MMP8: variants seen among roughly 807,000 people sequenced by gnomAD.
MMP8 encodes neutrophil collagenase.
MMP8 carries 67 observed loss-of-function variants against 51.2 expected under a neutral mutation model. The ratio of observed to expected loss-of-function variants is 1.31; its 90% CI spans 1.08 to 1.60. The LOEUF (loss-of-function observed/expected upper bound fraction) is 1.60. MMP8 is among the 40% of genes most tolerant of loss of function. The pLI is 0.00. For synonymous variants in MMP8, 225 were observed against 191.0 expected, an observed-to-expected ratio of 1.18 and a Z score of -1.47; for missense variants, 654 against 558.1, an observed-to-expected ratio of 1.17 and a Z score of -1.73.
At chr11:102,722,011 G>A (rs930281961) in intron 2 of MMP8, among the ~76,000 whole-genome samples, 25 of 152,144 alleles carry the variant, frequency 1.6e-4, no homozygotes, top group South Asian at 6.2e-4. Context: ...TAGGGCTGCC[G>A]TGGGGATTAA....
intron 4 of MMP8, among the ~76,000 whole-genome samples, chr11:102,719,068 G>A (rs35631044): frequency 6.6e-6 from 1 of 152,180 alleles, no homozygotes; most frequent in Admixed American, 6.5e-5. Flanking sequence ...CCACAGCTTA[G>A]CACCAGCTCT....
At chr11:102,723,146 C>CATG in intron 1 of MMP8, 1 of 798,744 alleles carries the variant, frequency 1.3e-6, no homozygotes, top group Non-Finnish European at 1.8e-6. Flanking sequence ...TTTAACTCAC[C>CATG]ATGTTGCCTC....
chr11:102,721,293 A>G, intron 4 of MMP8, 108 bp downstream of exon 4: 2 of 1,449,850 alleles, frequency 1.4e-6, no homozygotes, highest in Non-Finnish European at 1.8e-6. Flanking sequence ...ACTTTTTGTG[A>G]GTTTGAAATA....
Position 102,712,738 on chromosome 11 carries a change from C to T in MMP8, c.*610G>A, listed in dbSNP as rs181356833. The T allele has an allele frequency of 3.3e-5, 5 of 152,212 alleles. No individual in the cohort carries two copies. Among genetic ancestry groups the T allele is most frequent in the Admixed American group, 6.5e-5 (1 of 15,276 alleles). 9.4% of individuals were successfully genotyped at this position (152,212 alleles called of 1,614,324 possible). ...CCCACCCTAATTCAGTGTGATCTCA[C>T]CTTAACTTAACTAATTACATCTGCA... On this transcript the variant is annotated 3_prime_UTR_variant, in exon 10 of 10. Transcript: ENST00000236826.
At chr11:102,722,995 A>G in intron 1 of MMP8, 1 of 1,307,266 alleles carries the variant, frequency 7.6e-7, no homozygotes, top group Non-Finnish European at 1.0e-6. Flanking sequence ...ACTAACATTA[A>G]TTGACTTCTC....
intron 4 of MMP8, among the ~76,000 whole-genome samples, chr11:102,719,641 C>T (rs1197983317): frequency 2.6e-5 from 4 of 152,186 alleles, no homozygotes; most frequent in Non-Finnish European, 5.9e-5. Context: ...AATTAGCCTG[C>T]TAAAATTCTA....
chr11:102,720,547 C>G (rs1330042975), intron 4 of MMP8, among the ~76,000 whole-genome samples: 1 of 152,260 alleles, frequency 6.6e-6, no homozygotes, highest in Admixed American at 6.5e-5. Context: ...GTAAAAGGTG[C>G]CTTTCTGATT....
chr11:102,724,754 C>T lies in MMP8; in HGVS notation c.102G>A (p.Gln34=), dbSNP rs758034380. The T allele has an allele frequency of 1.9e-6, 3 of 1,588,018 alleles. No homozygotes were observed. The Admixed American group carries it at 5.1e-5, about 27-fold the overall frequency. ...SSKEKNTKTV[Q]DYLEKFYQLP... ...ATCACCTAACTGATAGTTCATTTAC[C>T]TGAACAGTTTTTGTATTTTTCTCTT... Residue 34 remains glutamine, a splice_region_variant and synonymous_variant, in exon 1 of 10, where the codon CAG becomes CAA. Transcript: ENST00000236826.
Position 102,718,590 on chromosome 11 carries a change from C to T in MMP8, c.623-15G>A, listed in dbSNP as rs764617983. 6 of 1,613,534 alleles carry T rather than the reference C, an allele frequency of 3.7e-6. No individual in the cohort carries two copies. The highest frequency in any genetic ancestry group is 2.2e-5 in the East Asian group (1 of 44,886). On this transcript the variant is annotated splice_polypyrimidine_tract_variant and intron_variant, in intron 4 of 9. Coordinates refer to ENST00000236826, the MANE Select transcript of MMP8 (RefSeq NM_002424.3). Reference sequence around the variant, plus strand: ...CAAGTTGTAATCTGAAATGCAAACACGGGTGGTAAACAGCTCAGTGTGGAT... The same window carrying T: ...CAAGTTGTAATCTGAAATGCAAACATGGGTGGTAAACAGCTCAGTGTGGAT...
chr11:102,716,433 A>AAG lies in MMP8; in HGVS notation c.785-15_785-14insCT, dbSNP rs1463497440. Reference sequence around the variant, plus strand: ...TGCTTGAAAGTCCTGGAAAAAAAAAAAAAAAAAAAAAAAAGGTCTTTCTTA... The same window carrying AAG: ...TGCTTGAAAGTCCTGGAAAAAAAAAAAGAAAAAAAAAAAAAAGGTCTTTCTTA... On this transcript the variant is annotated splice_polypyrimidine_tract_variant and intron_variant, in intron 5 of 9. Coordinates refer to ENST00000236826, the MANE Select transcript of MMP8 (RefSeq NM_002424.3). 7.0e-7 allele frequency: 1 copy of AAG among 1,431,392 alleles called. No individual in the cohort carries two copies. Among genetic ancestry groups the AAG allele is most frequent in the East Asian group, 2.4e-5 (1 of 41,084 alleles). The allele number at this position is 1,431,392 out of a possible 1,614,324, so 88.7% of individuals were successfully genotyped here. A position where few individuals can be genotyped will look rare whatever the true frequency, so the allele number is the denominator to read the frequency against.
chr11:102,720,740 A>G (rs1861444480), intron 4 of MMP8, among the ~76,000 whole-genome samples: 1 of 152,232 alleles, frequency 6.6e-6, no homozygotes, highest in South Asian at 2.1e-4. Context: ...AAGAGCTCCA[A>G]GGAGATGAAC....
At chr11:102,717,167 C>G (rs778023587) in intron 5 of MMP8, among the ~76,000 whole-genome samples, 5 of 152,138 alleles carry the variant, frequency 3.3e-5, no homozygotes, top group Non-Finnish European at 5.9e-5. Flanking sequence ...ATATTTCACT[C>G]CAATCCACTA....
chr11:102,713,105 T>A lies in MMP8; in HGVS notation c.*243A>T, dbSNP rs1305072754. 1 of 378,976 alleles carries A rather than the reference T, an allele frequency of 2.6e-6. No individual in the cohort carries two copies. Among genetic ancestry groups the A allele is most frequent in the African/African-American group, 2.1e-5 (1 of 47,652 alleles). The allele number at this position is 378,976 out of a possible 1,614,324, so 23.5% of individuals were successfully genotyped here. A position where few individuals can be genotyped will look rare whatever the true frequency, so the allele number is the denominator to read the frequency against. ...GTAAATATTGAGGTGACAAAAAGGCTTACTTTCCTTCTCTTTGATGGAATC... is the reference window on the plus strand; with the variant it reads ...GTAAATATTGAGGTGACAAAAAGGCATACTTTCCTTCTCTTTGATGGAATC... On this transcript the variant is annotated 3_prime_UTR_variant, in exon 10 of 10. Coordinates refer to ENST00000236826, the MANE Select transcript of MMP8 (RefSeq NM_002424.3).
Position 102,724,928 on chromosome 11 carries a change from A to T in MMP8, c.-73T>A, listed in dbSNP as rs1861577281. 1 of 1,523,036 alleles carries T rather than the reference A, an allele frequency of 6.6e-7. No individual in the cohort carries two copies. The highest frequency in any genetic ancestry group is 2.3e-5 in the East Asian group (1 of 43,104). The allele number at this position is 1,523,036 out of a possible 1,614,324, so 94.3% of individuals were successfully genotyped here. ...TGGGTAGGGCCCTTCCCTGGCGAGC[A>T]CCCTGACGTTCACAGCATCATGTGT... is the stretch of plus-strand genomic sequence containing the variant. On this transcript the variant is annotated 5_prime_UTR_variant, in exon 1 of 10. Coordinates refer to ENST00000236826, the MANE Select transcript of MMP8 (RefSeq NM_002424.3).
Position 102,724,821 on chromosome 11 carries a change from A to T in MMP8, c.35T>A (p.Leu12Ter). The T allele has an allele frequency of 6.2e-7, 1 of 1,610,068 alleles. No individual in the cohort carries two copies. Reference protein sequence around the residue: ...FSLKTLPFLLLLHVQISKAFP... With the variant: ...FSLKTLPFLL ...GGCCTTGGAAATCTGCACATGGAGT[A>T]AGAGCAGAAATGGAAGCGTCTTCAG... The change falls in exon 1 of 10, where the codon TTA becomes TAA. Residue 12 changes from leucine (L) to a stop codon, truncating the protein, a stop_gained. Coordinates refer to ENST00000236826, the MANE Select transcript of MMP8 (RefSeq NM_002424.3). LOFTEE classifies it high-confidence loss of function.
At chr11:102,719,129 A>G (rs1228469087) in intron 4 of MMP8, among the ~76,000 whole-genome samples, 1 of 152,178 alleles carries the variant, frequency 6.6e-6, no homozygotes, top group Non-Finnish European at 1.5e-5. Flanking sequence ...TACTGGAGAG[A>G]GACAAATCCT....
intron 1 of MMP8, 149 bp downstream of exon 1, chr11:102,724,604 AC>A: frequency 1.6e-6 from 1 of 632,874 alleles, no homozygotes; most frequent in Non-Finnish European, 2.6e-6. Flanking sequence ...CCAGCTTGGA[AC>A]CCTCCAAATC....
chr11:102,721,501 A>C lies in MMP8; in HGVS notation c.522T>G (p.Asp174Glu), dbSNP rs146764003. 4 of 1,613,900 alleles carry C rather than the reference A, an allele frequency of 2.5e-6. No individual in the cohort carries two copies. Among genetic ancestry groups the C allele is most frequent in the Non-Finnish European group, 1.7e-6 (2 of 1,179,846 alleles). Reference protein sequence around the residue: ...QRDHGDNSPFDGPNGILAHAF... With the variant: ...QRDHGDNSPFEGPNGILAHAF... ...CATGAGCAAGGATTCCATTGGGTCC[A>C]TCAAATGGAGAATTGTCACCGTGAT... The change falls in exon 4 of 10, where the codon GAT becomes GAG. Residue 174 changes from aspartate to glutamate, a missense_variant. Physicochemically the swap from Asp to Glu is conservative, Grantham distance 45. Transcript: ENST00000236826.
chr11:102,722,913 G>T, intron 1 of MMP8: 1 of 1,084,160 alleles, frequency 9.2e-7, no homozygotes, highest in Non-Finnish European at 1.3e-6. Context: ...AAGGGATGAG[G>T]ATCACATCAC....
Sources: allele counts gnomAD v4.1 joint callset (sites outside exome capture counted in the v4.1 genomes callset), GRCh38; gene constraint gnomAD v4.1.1; transcripts MANE v1.5; gene names NCBI Gene and HGNC (gene_info 2026-07-23, HGNC 2026-07-21).